BRINP3: variants seen among roughly 807,000 people sequenced by gnomAD.
The protein encoded by BRINP3 is BMP/retinoic acid-inducible neural-specific protein 3.
A neutral mutation model predicts 71.0 loss-of-function variants in BRINP3; 19 were observed. That is an observed-to-expected ratio of 0.27 (90% CI 0.19 to 0.39). BRINP3 has a LOEUF of 0.39. Ranked by LOEUF, BRINP3 falls within the 10% of genes least tolerant of loss-of-function variation. The pLI is 1.00. For missense variants in BRINP3, 959 were observed against 940.8 expected, an observed-to-expected ratio of 1.02 and a Z score of -0.25; for synonymous variants, 380 against 337.7, an observed-to-expected ratio of 1.13 and a Z score of -1.37.
chr1:190,301,923 A>G (rs1178038416), intron 2 of BRINP3, among the ~76,000 whole-genome samples: 2 of 151,918 alleles, frequency 1.3e-5, no homozygotes, highest in Non-Finnish European at 2.9e-5. Context: ...TTATATGTCT[A>G]TAGTTCCCTA....
At chr1:190,331,970 T>TATC (rs1666993735) in intron 2 of BRINP3, among the ~76,000 whole-genome samples, 1 of 152,014 alleles carries the variant, frequency 6.6e-6, no homozygotes, top group African/African-American at 2.4e-5. Context: ...TTGTTATTAT[T>TATC]ATCTTTTCGT....
chr1:190,241,530 G>C (rs1465618711), intron 4 of BRINP3, among the ~76,000 whole-genome samples: 3 of 151,980 alleles, frequency 2.0e-5, no homozygotes, highest in African/African-American at 7.2e-5. Context: ...GGTCTAGATT[G>C]ATGTAGAAGT....
At chr1:190,343,522 G>A (rs1010004198) in intron 2 of BRINP3, among the ~76,000 whole-genome samples, 3 of 151,698 alleles carry the variant, frequency 2.0e-5, no homozygotes, top group African/African-American at 7.2e-5. Flanking sequence ...TATTATAAAG[G>A]AAGGATGACA....
At chr1:190,341,180 A>G (rs910191178) in intron 2 of BRINP3, among the ~76,000 whole-genome samples, 7 of 151,828 alleles carry the variant, frequency 4.6e-5, no homozygotes, top group African/African-American at 1.7e-4. Flanking sequence ...CTAGTTAGTA[A>G]TTTTTGTTCT....
intron 2 of BRINP3, among the ~76,000 whole-genome samples, chr1:190,419,136 A>G (rs1673778616): frequency 6.6e-6 from 1 of 152,084 alleles, no homozygotes. Flanking sequence ...TTAAACTTCC[A>G]ATATTAGAAA....
At chr1:190,468,310 A>C (rs769285941) in intron 1 of BRINP3, among the ~76,000 whole-genome samples, 3 of 151,268 alleles carry the variant, frequency 2.0e-5, no homozygotes, top group Non-Finnish European at 4.5e-5. Flanking sequence ...TTATTATTGG[A>C]GCTGCTGATT....
intron 4 of BRINP3, among the ~76,000 whole-genome samples, chr1:190,264,221 A>C (rs1054932489): frequency 1.3e-5 from 2 of 152,058 alleles, no homozygotes; most frequent in African/African-American, 4.8e-5. Flanking sequence ...TTTCTTTTGA[A>C]AATCAGAACT....
chr1:190,450,258 G>C (rs1675518504), intron 2 of BRINP3, among the ~76,000 whole-genome samples: 1 of 152,160 alleles, frequency 6.6e-6, no homozygotes. Context: ...GCTCCCTTCT[G>C]TATTTAGGGT....
rs35752025 is a variant in BRINP3, at chr1:190,199,771, G to GAAAA, written c.961+26307_961+26310dup. ...ATCTGCTATTCTTGTCAAGGCATAG[G>GAAAA]AAAAAAAAAAAAACAAAAACAAAAA... is the stretch of plus-strand genomic sequence containing the variant. On this transcript the variant is annotated intron_variant, in intron 6 of 7. Coordinates refer to ENST00000367462, the MANE Select transcript of BRINP3 (RefSeq NM_199051.3). 3.3e-4 allele frequency among the ~76,000 whole-genome samples: 41 copies of GAAAA among 123,522 alleles called. 1 individual carries two copies. Among genetic ancestry groups the GAAAA allele is most frequent in the African/African-American group, 1.2e-3 (40 of 33,708 alleles). The allele number at this position is 123,522 out of a possible 152,430, so 81.0% of individuals were successfully genotyped here. A position where few individuals can be genotyped will look rare whatever the true frequency, so the allele number is the denominator to read the frequency against.
intron 2 of BRINP3, among the ~76,000 whole-genome samples, chr1:190,301,944 C>T (rs913979073): frequency 5.9e-5 from 9 of 151,640 alleles, no homozygotes; most frequent in Non-Finnish European, 5.9e-5. Flanking sequence ...TATTTCTTTG[C>T]TGAAAGTGTT....
intron 7 of BRINP3, among the ~76,000 whole-genome samples, chr1:190,148,144 C>A (rs1557188): frequency 6.6e-6 from 1 of 151,906 alleles, no homozygotes; most frequent in Non-Finnish European, 1.5e-5. Context: ...ATATATTTTG[C>A]TTGGTGCTGA....
intron 2 of BRINP3, among the ~76,000 whole-genome samples, chr1:190,375,595 A>T (rs1670135655): frequency 6.6e-6 from 1 of 151,926 alleles, no homozygotes; most frequent in Non-Finnish European, 1.5e-5. Flanking sequence ...CCCAACAGAA[A>T]ATAGGCAACA....
At chr1:190,308,500 G>A (rs894795375) in intron 2 of BRINP3, among the ~76,000 whole-genome samples, 1 of 151,348 alleles carries the variant, frequency 6.6e-6, no homozygotes, top group African/African-American at 2.4e-5. Context: ...TGTAGGGTGG[G>A]GGAAGGGGGG....
intron 2 of BRINP3, among the ~76,000 whole-genome samples, chr1:190,450,810 G>T (rs1322765655): frequency 2.0e-5 from 3 of 151,584 alleles, no homozygotes; most frequent in Admixed American, 1.3e-4. Context: ...TTCTCATATG[G>T]ATACCCATAT....
intron 7 of BRINP3, among the ~76,000 whole-genome samples, chr1:190,101,465 T>G (rs189750334): frequency 2.0e-5 from 3 of 152,308 alleles, no homozygotes; most frequent in Non-Finnish European, 2.9e-5. Flanking sequence ...CAGATGTTAA[T>G]ACTACAGATT....
In BRINP3 at chr1:190,426,519, T is replaced by G. The variant is rs762464244; in HGVS notation, c.236+28136A>C. Among the ~76,000 whole-genome samples the G allele has an allele frequency of 4.5e-4, 69 of 151,660 alleles. No homozygotes were observed. In the Middle Eastern group the frequency reaches 0.014, roughly 30 times the overall value. On this transcript the variant is annotated intron_variant, in intron 2 of 7. Transcript: ENST00000367462. ...AATCCAAAATGCTCCAATGAGCATT[T>G]CTTTTGATTGGCATGTTGGCACTCA...
intron 6 of BRINP3, among the ~76,000 whole-genome samples, chr1:190,202,214 A>T (rs903593284): frequency 6.6e-6 from 1 of 152,150 alleles, no homozygotes. Flanking sequence ...GTCAAAGGAG[A>T]TCATTCTGGA....
chr1:190,311,082 A>G (rs1038624388), intron 2 of BRINP3, among the ~76,000 whole-genome samples: 1 of 151,730 alleles, frequency 6.6e-6, no homozygotes, highest in Non-Finnish European at 1.5e-5. Context: ...ATTATGTTGT[A>G]CTTTCTTTCT....
At chr1:190,380,153 G>A (rs1670458707) in intron 2 of BRINP3, among the ~76,000 whole-genome samples, 1 of 152,074 alleles carries the variant, frequency 6.6e-6, no homozygotes, top group African/African-American at 2.4e-5. Flanking sequence ...AATAGTCCAG[G>A]TCAAATATGA....
Sources: allele counts gnomAD v4.1 joint callset (sites outside exome capture counted in the v4.1 genomes callset), GRCh38; gene constraint gnomAD v4.1.1; transcripts MANE v1.5; gene names NCBI Gene and HGNC (gene_info 2026-07-23, HGNC 2026-07-21).